The following MSRA variants were observed in gnomAD, a reference collection of about 807,000 sequenced individuals.
MSRA encodes mitochondrial peptide methionine sulfoxide reductase.
MSRA carries 54 observed loss-of-function variants against 31.3 expected under a neutral mutation model. That is an observed-to-expected ratio of 1.73 (90% confidence interval 1.39 to 2.17). The LOEUF (loss-of-function observed/expected upper bound fraction) is 2.17, where lower values mean the gene tolerates loss of function less well. Among genes scored for constraint, MSRA ranks in the 30% most tolerant of loss-of-function variants. The pLI, the probability that MSRA is intolerant of heterozygous loss-of-function variation, is 0.00. For synonymous variants in MSRA, 169 were observed against 116.5 expected (o/e 1.45, Z -2.90); for missense variants, 507 against 300.9 (o/e 1.69, Z -5.07).
intron 2 of MSRA, among the ~76,000 whole-genome samples, chr8:10,221,432 A>G (rs1230150972): frequency 7.2e-6 from 1 of 139,038 alleles, no homozygotes; most frequent in Non-Finnish European, 1.6e-5. Context: ...ATATGTATAT[A>G]TGTGTATATA....
At chr8:10,062,161 G>A (rs1797230794) in intron 1 of MSRA, among the ~76,000 whole-genome samples, 2 of 152,200 alleles carry the variant, frequency 1.3e-5, no homozygotes, top group South Asian at 4.1e-4. Flanking sequence ...TCTGGCTCCT[G>A]CATGGGTCCC....
chr8:10,101,321 T>A (rs1326318179), intron 1 of MSRA, among the ~76,000 whole-genome samples: 3 of 152,204 alleles, frequency 2.0e-5, no homozygotes, highest in African/African-American at 7.2e-5. Flanking sequence ...ACTTAATAAA[T>A]GGTAGATATT....
chr8:10,214,792 G>A lies in MSRA; in HGVS notation c.211+6891G>A, dbSNP rs117754829. On this transcript the variant is annotated intron_variant, in intron 2 of 5. Transcript: ENST00000317173. Reference sequence around the variant, plus strand: ...CTGGGTAATTTGAAGCAACTTGAGGGGGCAATGGTCATTGGAGACATAGTT... The same window carrying A: ...CTGGGTAATTTGAAGCAACTTGAGGAGGCAATGGTCATTGGAGACATAGTT... 2.2e-3 allele frequency among the ~76,000 whole-genome samples: 339 copies of A among 152,256 alleles called. 1 individual carries two copies. The highest frequency in any genetic ancestry group is 3.9e-3 in the Non-Finnish European group (263 of 68,026).
chr8:10,093,546 T>TAA (rs1798963412), intron 1 of MSRA, among the ~76,000 whole-genome samples: 1 of 152,210 alleles, frequency 6.6e-6, no homozygotes, highest in Admixed American at 6.5e-5. Context: ...ACAACAGTTC[T>TAA]ATGCTTTTGT....
At chr8:10,137,753 GCCTGC>G (rs763351088) in intron 1 of MSRA, among the ~76,000 whole-genome samples, 2 of 152,156 alleles carry the variant, frequency 1.3e-5, no homozygotes, top group Non-Finnish European at 2.9e-5. Context: ...CTGGATGGGT[GCCTGC>G]CCTGCCCCTT....
At chr8:10,055,022 C>G (rs1353845125) in intron 1 of MSRA, among the ~76,000 whole-genome samples, 2 of 152,210 alleles carry the variant, frequency 1.3e-5, no homozygotes, top group Admixed American at 1.3e-4. Flanking sequence ...GTGCCTGCGC[C>G]CTCCTTTCTT....
chr8:10,255,461 G>A (rs187743782), intron 3 of MSRA, among the ~76,000 whole-genome samples: 2 of 152,200 alleles, frequency 1.3e-5, no homozygotes, highest in African/African-American at 4.8e-5. Context: ...GATTCCCTGA[G>A]TGAATTTAAT....
chr8:10,148,565 T>G (rs1476966096), intron 1 of MSRA, among the ~76,000 whole-genome samples: 1 of 151,984 alleles, frequency 6.6e-6, no homozygotes, highest in East Asian at 1.9e-4. Context: ...GAGAATCTCT[T>G]GAACCTGGGA....
At chr8:10,223,755 A>C (rs958971122) in intron 2 of MSRA, among the ~76,000 whole-genome samples, 1 of 152,200 alleles carries the variant, frequency 6.6e-6, no homozygotes, top group African/African-American at 2.4e-5. Context: ...ATGAATGCCA[A>C]ATCTAGATGG....
intron 1 of MSRA, among the ~76,000 whole-genome samples, chr8:10,138,122 T>C (rs148048798): frequency 2.0e-5 from 3 of 152,190 alleles, no homozygotes; most frequent in African/African-American, 4.8e-5. Context: ...CTTTCTGGAT[T>C]GTTTTGTTCA....
intron 3 of MSRA, among the ~76,000 whole-genome samples, chr8:10,282,860 A>G (rs1585357791): frequency 6.6e-6 from 1 of 152,184 alleles, no homozygotes; most frequent in African/African-American, 2.4e-5. Context: ...AGGTTACTTC[A>G]TCAGCTCTCC....
intron 2 of MSRA, among the ~76,000 whole-genome samples, chr8:10,238,976 G>A (rs1232364726): frequency 6.6e-6 from 1 of 152,086 alleles, no homozygotes; most frequent in African/African-American, 2.4e-5. Context: ...CAGATATGAG[G>A]TAATATCTGT....
chr8:10,101,074 CT>C, intron 1 of MSRA, among the ~76,000 whole-genome samples: 1 of 152,278 alleles, frequency 6.6e-6, no homozygotes, highest in African/African-American at 2.4e-5. Flanking sequence ...GGAAATCTGC[CT>C]TTGAAACAAA....
chr8:10,182,185 G>A (rs1202744149), intron 1 of MSRA, among the ~76,000 whole-genome samples: 1 of 152,072 alleles, frequency 6.6e-6, no homozygotes, highest in Non-Finnish European at 1.5e-5. Context: ...GCTATGTCAG[G>A]TTTCCTGATT....
intron 5 of MSRA, among the ~76,000 whole-genome samples, chr8:10,330,335 T>A (rs13258224): frequency 0.97 from 148,169 of 152,198 alleles, 72,269 homozygotes; most frequent in East Asian, 1. Flanking sequence ...GAGAGAAATT[T>A]AATATACTCA....
chr8:10,151,279 A>AGT (rs1563155229), intron 1 of MSRA, among the ~76,000 whole-genome samples: 1 of 143,336 alleles, frequency 7.0e-6, no homozygotes, highest in Non-Finnish European at 1.5e-5. Context: ...AAAAAAAAAA[A>AGT]AAAAAAAAAT....
At chr8:10,194,158 TC>T (rs998880377) in intron 1 of MSRA, among the ~76,000 whole-genome samples, 1 of 152,182 alleles carries the variant, frequency 6.6e-6, no homozygotes, top group Non-Finnish European at 1.5e-5. Flanking sequence ...TCCCCCTCTC[TC>T]CTCCAAAGTA....
chr8:10,067,798 C>T lies in MSRA; in HGVS notation c.142+13140C>T, dbSNP rs1470726323. Among the ~76,000 whole-genome samples the T allele has an allele frequency of 8.0e-5, 12 of 150,594 alleles. 1 individual carries two copies. Among genetic ancestry groups the T allele is most frequent in the African/African-American group, 2.9e-4 (12 of 40,988 alleles). On this transcript the variant is annotated intron_variant, in intron 1 of 5. Coordinates refer to ENST00000317173, the MANE Select transcript of MSRA (RefSeq NM_012331.5). ...TGAAGATCTTTCCTGAGCTTATTTG[C>T]CATATTATGTTTTCTTTGGTGATGT...
At position 10,210,838 on chromosome 8, in the gene MSRA, A is replaced by G. The variant is rs531758184; in HGVS notation, c.211+2937A>G. On this transcript the variant is annotated intron_variant, in intron 2 of 5. Coordinates refer to ENST00000317173, the MANE Select transcript of MSRA (RefSeq NM_012331.5). The stretch of plus-strand genomic sequence containing the variant: ...AACCTCCACTTCCCGAGTTCAAGCG[A>G]TTCTCCTGCCTCAGCCTCCCAAGTA... 2.0e-3 allele frequency among the ~76,000 whole-genome samples: 295 copies of G among 151,244 alleles called. 3 individuals carry two copies. The highest frequency in any genetic ancestry group is 6.9e-3 in the African/African-American group (283 of 41,106).
Sources: gnomAD v4.1 joint callset for allele counts (sites outside exome capture counted in the v4.1 genomes callset) on GRCh38, gnomAD v4.1.1 for gene constraint, MANE v1.5 for transcripts, NCBI Gene and HGNC (gene_info 2026-07-23, HGNC 2026-07-21) for gene names.